ELFN2: variants seen among roughly 807,000 people sequenced by gnomAD.
ELFN2 encodes the protein extracellular leucine rich repeat and fibronectin type III domain containing 2.
ELFN2 carries 17 observed loss-of-function variants against 45.5 expected under a neutral mutation model. That is an observed-to-expected ratio of 0.37 (90% CI 0.26 to 0.56). ELFN2 has a LOEUF of 0.56. ELFN2 is among the 20% of genes least tolerant of loss of function. The pLI is 0.77. For synonymous variants in ELFN2, 550 were observed against 551.5 expected (o/e 1.00, Z 0.04); for missense variants, 922 against 1,183.2 (o/e 0.78, Z 3.24).
intron 2 of ELFN2, among the ~76,000 whole-genome samples, chr22:37,390,676 T>C (rs1224057224): frequency 6.6e-6 from 1 of 152,192 alleles, no homozygotes; most frequent in Non-Finnish European, 1.5e-5. Context: ...ACGGGCAGGC[T>C]GGTCACTGCA....
At chr22:37,352,032 GCCACCAGCA>G (rs1317927604) in intron 1 of ELFN2, among the ~76,000 whole-genome samples, 1 of 150,652 alleles carries the variant, frequency 6.6e-6, no homozygotes, top group Non-Finnish European at 1.5e-5. Context: ...CTACGTCCTG[GCCACCAGCA>G]CCACCTGGCC....
rs191617986 is a variant in ELFN2, at chr22:37,353,601, A to G, written n.149-10898T>C. On this transcript the variant is annotated intron_variant and non_coding_transcript_variant, in intron 1 of 2. Transcript: ENST00000452946. ...AGATAACCTCATGGAAAAATGGACC[A>G]ATGGCCCGAATAGGCATTTCACAAA... The G allele has an allele frequency of 2.0e-5, 3 of 151,246 alleles. No individual in the cohort carries two copies. In the East Asian group the frequency reaches 5.8e-4, roughly 29 times the overall value. The allele number at this position is 151,246 out of a possible 1,614,324, so 9.4% of individuals were successfully genotyped here.
chr22:37,362,181 T>TG (rs567210359), intron 1 of ELFN2, among the ~76,000 whole-genome samples: 460 of 152,294 alleles, frequency 3.0e-3, no homozygotes, highest in Middle Eastern at 6.8e-3. Context: ...CATCAGCCCG[T>TG]GGGGAAGAGC....
intron 2 of ELFN2, among the ~76,000 whole-genome samples, chr22:37,377,055 C>G (rs6000700): frequency 0.78 from 118,172 of 152,214 alleles, 46,156 homozygotes; most frequent in African/African-American, 0.87. Context: ...ATTTCCACAG[C>G]TACAAAGTGG....
chr22:37,403,484 G>T (rs1174094549), intron 2 of ELFN2, among the ~76,000 whole-genome samples: 1 of 152,208 alleles, frequency 6.6e-6, no homozygotes, highest in Non-Finnish European at 1.5e-5. Flanking sequence ...TGGGCAACAG[G>T]ACTAATTAAT....
At chr22:37,366,248 T>A (rs1931204030), downstream of ELFN2, among the ~76,000 whole-genome samples, 1 of 152,208 alleles carries the variant, frequency 6.6e-6, no homozygotes, top group Non-Finnish European at 1.5e-5. Context: ...CACTTCTGAG[T>A]TGAAATGAAA....
rs144794619 is a variant in ELFN2, at chr22:37,423,795, G to C, written c.-614+3503C>G. Among the ~76,000 whole-genome samples the C allele has an allele frequency of 7.8e-4, 119 of 152,276 alleles. 1 individual carries two copies. Among genetic ancestry groups the C allele is most frequent in the African/African-American group, 2.7e-3 (111 of 41,534 alleles). On this transcript the variant is annotated intron_variant, in intron 1 of 2. Coordinates refer to ENST00000402918, the MANE Select transcript of ELFN2 (RefSeq NM_052906.5). ...GCCCAGGTGGCTCTTGAGTCCTCAG[G>C]GCTTCTCTGGGGCTTTCCTGGGGAC...
intron 1 of ELFN2, chr22:37,353,325 C>G (rs919341097): frequency 6.6e-5 from 10 of 151,014 alleles, no homozygotes; most frequent in Non-Finnish European, 1.2e-4. Flanking sequence ...TAAAAGACAG[C>G]CAGACCATTC....
intron 1 of ELFN2, among the ~76,000 whole-genome samples, chr22:37,349,576 C>T (rs1420504139): frequency 6.6e-6 from 1 of 151,088 alleles, no homozygotes; most frequent in Non-Finnish European, 1.5e-5. Flanking sequence ...CCCCTCCTAC[C>T]CCAGGGACAT....
chr22:37,412,249 G>A (rs140227884), intron 2 of ELFN2, among the ~76,000 whole-genome samples: 1 of 136,800 alleles, frequency 7.3e-6, no homozygotes, highest in East Asian at 2.1e-4. Flanking sequence ...TTTCTCTCCA[G>A]CCTGGGCAAA....
At chr22:37,425,967 C>T (rs1367314911) in intron 1 of ELFN2, among the ~76,000 whole-genome samples, 5 of 151,878 alleles carry the variant, frequency 3.3e-5, no homozygotes, top group African/African-American at 7.3e-5. Context: ...GGGCAGTCCG[C>T]GCCCCACAGC....
chr22:37,415,658 G>A lies in ELFN2; in HGVS notation c.-463+2111C>T, dbSNP rs544627352. Among the ~76,000 whole-genome samples the A allele has an allele frequency of 1.7e-4, 26 of 152,328 alleles. 1 individual carries two copies. In the South Asian group the frequency reaches 2.5e-3, roughly 15 times the overall value. On this transcript the variant is annotated intron_variant, in intron 2 of 2. Coordinates refer to ENST00000402918, the MANE Select transcript of ELFN2 (RefSeq NM_052906.5). ...GCGTGTCAGGAAATCATTTTAAAAC[G>A]ATTTTTAAAAGTAATGATGGTGGGC...
At chr22:37,400,890 G>T (rs530143431) in intron 2 of ELFN2, among the ~76,000 whole-genome samples, 1 of 152,246 alleles carries the variant, frequency 6.6e-6, no homozygotes, top group Non-Finnish European at 1.5e-5. Flanking sequence ...GAAGGGACTT[G>T]TAATCCCTAA....
chr22:37,406,774 G>A (rs981649617), intron 2 of ELFN2, among the ~76,000 whole-genome samples: 3 of 152,270 alleles, frequency 2.0e-5, no homozygotes, highest in African/African-American at 4.8e-5. Flanking sequence ...CCTAAAGCCT[G>A]AGAGCCCAGC....
At chr22:37,391,201 C>G (rs1932077593) in intron 2 of ELFN2, among the ~76,000 whole-genome samples, 1 of 152,180 alleles carries the variant, frequency 6.6e-6, no homozygotes. Flanking sequence ...GCGTGGGGGC[C>G]ATCCTCTGGC....
chr22:37,365,432 G>A (rs959021788), downstream of ELFN2, among the ~76,000 whole-genome samples: 1 of 152,184 alleles, frequency 6.6e-6, no homozygotes, highest in African/African-American at 2.4e-5. Flanking sequence ...CTGTGCTGAG[G>A]ACACCTAGCT....
At chr22:37,389,673 G>A (rs1365745503) in intron 2 of ELFN2, among the ~76,000 whole-genome samples, 2 of 152,094 alleles carry the variant, frequency 1.3e-5, no homozygotes, top group Non-Finnish European at 2.9e-5. Context: ...TTGAACCCGG[G>A]TCTCTGCTGC....
At chr22:37,387,539 T>C (rs1396878462) in intron 2 of ELFN2, among the ~76,000 whole-genome samples, 12 of 152,080 alleles carry the variant, frequency 7.9e-5, no homozygotes, top group Admixed American at 7.2e-4. Context: ...GGTGAAAAGA[T>C]GCAGGAGCTG....
rs765698464 is a variant in ELFN2, at chr22:37,373,816, C to T, written c.1719G>A (p.Glu573=). 2 of 1,612,648 alleles carry T rather than the reference C, an allele frequency of 1.2e-6. No individual in the cohort carries two copies. Among genetic ancestry groups the T allele is most frequent in the East Asian group, 4.5e-5 (2 of 44,874 alleles). The change falls in exon 3 of 3, where the codon GAG becomes GAA. Residue 573 remains glutamate (E), a synonymous_variant. Transcript: ENST00000402918. ...GGAGGGACTGGCACTCGAAGGCCAG[C>T]TCGGGGTCCCCACTGCTGCTGCCGC... ...LGGGSSSGDP[E]LAFECQSLPA...
Sources: gnomAD v4.1 joint callset for allele counts (sites outside exome capture counted in the v4.1 genomes callset) on GRCh38, gnomAD v4.1.1 for gene constraint, MANE v1.5 for transcripts, NCBI Gene and HGNC (gene_info 2026-07-23, HGNC 2026-07-21) for gene names.